Variants in CACNG2 observed in about 807,000 individuals in gnomAD.
CACNG2 encodes the protein calcium voltage-gated channel auxiliary subunit gamma 2.
A neutral mutation model predicts 25.9 loss-of-function variants in CACNG2; 3 were observed. That is an observed-to-expected ratio of 0.12 (90% CI 0.05 to 0.30). CACNG2 has a LOEUF of 0.30. Ranked by LOEUF, CACNG2 falls within the 10% of genes least tolerant of loss-of-function variation. The pLI is 1.00. For synonymous variants in CACNG2, 167 were observed against 173.3 expected (o/e 0.96, Z 0.29); for missense variants, 341 against 432.5 (o/e 0.79, Z 1.88).
At chr22:36,568,312 T>C (rs140038) in intron 2 of CACNG2, among the ~76,000 whole-genome samples, 95,796 of 152,084 alleles carry the variant, frequency 0.63, 32,513 homozygotes, top group African/African-American at 0.89. Context: ...GTCCCCACCC[T>C]TTTGGGTGGG....
At position 36,667,206 on chromosome 22, in the gene CACNG2, G is replaced by C. The variant is rs190787759; in HGVS notation, c.211+35160C>G. 7.3e-3 allele frequency among the ~76,000 whole-genome samples: 1,104 copies of C among 152,178 alleles called. 4 individuals carry two copies. Among genetic ancestry groups the C allele is most frequent in the Non-Finnish European group, 0.01 (710 of 68,002 alleles). Reference sequence around the variant, plus strand: ...GGCTGGCCTCAAACTTCTGACCTCGGCCTTCCAAAGTGCTGGGATTACAGG... The same window carrying C: ...GGCTGGCCTCAAACTTCTGACCTCGCCCTTCCAAAGTGCTGGGATTACAGG... On this transcript the variant is annotated intron_variant, in intron 1 of 3. Transcript: ENST00000300105.
rs749365558 is a variant in CACNG2, at chr22:36,702,603, C to T, written c.-27G>A. 6.3e-7 allele frequency: 1 copy of T among 1,587,138 alleles called. No homozygotes were observed. The highest frequency in any genetic ancestry group is 8.7e-7 in the Non-Finnish European group (1 of 1,155,698). ...ATTCTTCATTATATAAACACCCAAC[C>T]GACTTCTGGTTCTCGGGAGAGTGTG... On this transcript the variant is annotated 5_prime_UTR_variant, in exon 1 of 4. Transcript: ENST00000300105.
At chr22:36,694,088 T>A (rs754782527) in intron 1 of CACNG2, among the ~76,000 whole-genome samples, 1 of 152,224 alleles carries the variant, frequency 6.6e-6, no homozygotes, top group Non-Finnish European at 1.5e-5. Context: ...GCTTCCTGAG[T>A]CACGGGGCAG....
At chr22:36,614,884 A>C (rs1448784357) in intron 1 of CACNG2, among the ~76,000 whole-genome samples, 3 of 152,218 alleles carry the variant, frequency 2.0e-5, no homozygotes, top group Non-Finnish European at 4.4e-5. Flanking sequence ...GACTTACTGC[A>C]CATGGAGAAA....
intron 1 of CACNG2, among the ~76,000 whole-genome samples, chr22:36,700,698 G>A (rs942866818): frequency 1.3e-5 from 2 of 152,152 alleles, no homozygotes; most frequent in Non-Finnish European, 2.9e-5. Context: ...AGGAGGGGGC[G>A]TGTGTGTGCA....
chr22:36,665,254 G>T (rs549148435), intron 1 of CACNG2, among the ~76,000 whole-genome samples: 1 of 152,310 alleles, frequency 6.6e-6, no homozygotes, highest in East Asian at 1.9e-4. Context: ...GAGTCAAGCT[G>T]CCTGGGTTCG....
chr22:36,583,495 C>A (rs1386820702), intron 2 of CACNG2, among the ~76,000 whole-genome samples: 1 of 151,924 alleles, frequency 6.6e-6, no homozygotes, highest in African/African-American at 2.4e-5. Flanking sequence ...GGAAAACAAG[C>A]CCCAAGTCCC....
intron 1 of CACNG2, among the ~76,000 whole-genome samples, chr22:36,632,472 CT>C (rs1463662466): frequency 8.4e-4 from 6 of 7,140 alleles, no homozygotes; most frequent in African/African-American, 5.5e-3. Flanking sequence ...CTCCTCTCCT[CT>C]CTCTCTCTCT....
At chr22:36,567,517 G>A (rs1935146397) in intron 2 of CACNG2, among the ~76,000 whole-genome samples, 1 of 151,926 alleles carries the variant, frequency 6.6e-6, no homozygotes, top group Non-Finnish European at 1.5e-5. Context: ...AACAGGACCG[G>A]AGAAGAAAAG....
At chr22:36,625,640 A>C (rs1479548699) in intron 1 of CACNG2, among the ~76,000 whole-genome samples, 1 of 152,192 alleles carries the variant, frequency 6.6e-6, no homozygotes, top group East Asian at 1.9e-4. Flanking sequence ...TTTAAAAGGA[A>C]ACTGTATTAT....
chr22:36,568,094 C>T (rs1935158920), intron 2 of CACNG2, among the ~76,000 whole-genome samples: 1 of 152,114 alleles, frequency 6.6e-6, no homozygotes, highest in African/African-American at 2.4e-5. Context: ...ATGATCTGCC[C>T]ACCTTGGCCT....
intron 1 of CACNG2, among the ~76,000 whole-genome samples, chr22:36,664,744 T>C (rs1936849995): frequency 6.6e-6 from 1 of 152,230 alleles, no homozygotes; most frequent in South Asian, 2.1e-4. Flanking sequence ...TCGATTATGC[T>C]TGCTAGACTG....
At chr22:36,691,979 A>T (rs768706858) in intron 1 of CACNG2, among the ~76,000 whole-genome samples, 1 of 152,216 alleles carries the variant, frequency 6.6e-6, no homozygotes, top group Non-Finnish European at 1.5e-5. Flanking sequence ...CTTATCAGAG[A>T]TAGAGAGATC....
intron 1 of CACNG2, among the ~76,000 whole-genome samples, chr22:36,687,601 C>T (rs368111889): frequency 1.1e-4 from 16 of 152,234 alleles, no homozygotes; most frequent in African/African-American, 3.9e-4. Context: ...AAGATGTCCA[C>T]ATCCCAATTC....
chr22:36,583,339 A>C (rs1202195199), intron 2 of CACNG2, among the ~76,000 whole-genome samples: 1 of 152,096 alleles, frequency 6.6e-6, no homozygotes, highest in East Asian at 1.9e-4. Context: ...AGGCTGAGGC[A>C]GGAGAATTGC....
chr22:36,688,569 A>G (rs533616858), intron 1 of CACNG2, among the ~76,000 whole-genome samples: 1 of 151,742 alleles, frequency 6.6e-6, no homozygotes, highest in East Asian at 1.9e-4. Flanking sequence ...AAGTAGCTGA[A>G]ATGAAATGGA....
chr22:36,577,901 G>A (rs141861446), intron 2 of CACNG2, among the ~76,000 whole-genome samples: 4,150 of 152,176 alleles, frequency 0.027, 76 homozygotes, highest in Middle Eastern at 0.061. Flanking sequence ...TTTCTAGAAG[G>A]GGCTGAGAGC....
chr22:36,654,479 G>T (rs1936675270), intron 1 of CACNG2, among the ~76,000 whole-genome samples: 1 of 151,934 alleles, frequency 6.6e-6, no homozygotes, highest in African/African-American at 2.4e-5. Flanking sequence ...TGATCCTCCT[G>T]CCTTGGCCTC....
intron 2 of CACNG2, among the ~76,000 whole-genome samples, chr22:36,574,592 C>G (rs1431968339): frequency 1.1e-4 from 17 of 152,018 alleles, no homozygotes; most frequent in Non-Finnish European, 1.3e-4. Context: ...ACCAGCCTGG[C>G]CAACATGGTG....
Sources: gnomAD v4.1 joint callset for allele counts (sites outside exome capture counted in the v4.1 genomes callset) on GRCh38, gnomAD v4.1.1 for gene constraint, MANE v1.5 for transcripts, NCBI Gene and HGNC (gene_info 2026-07-23, HGNC 2026-07-21) for gene names.